CTNNBL1: variants seen among roughly 807,000 people sequenced by gnomAD.
CTNNBL1 encodes the protein catenin beta like 1.
In CTNNBL1, 31 loss-of-function variants were observed where a neutral mutation model predicts 72.7. That is an observed-to-expected ratio of 0.43 (90% CI 0.32 to 0.58). CTNNBL1 has a LOEUF of 0.58. Among genes scored for constraint, CTNNBL1 ranks in the 20% least tolerant of loss-of-function variants. The pLI is 0.08. For synonymous variants in CTNNBL1, 240 were observed against 267.3 expected, an observed-to-expected ratio of 0.90 and a Z score of 1.00; for missense variants, 534 against 725.1, an observed-to-expected ratio of 0.74 and a Z score of 3.03.
intron 11 of CTNNBL1, among the ~76,000 whole-genome samples, chr20:37,805,745 C>T (rs543847237): frequency 6.6e-6 from 1 of 152,216 alleles, no homozygotes; most frequent in Admixed American, 6.5e-5. Flanking sequence ...GTCATGAACC[C>T]GTAGACTAGG....
At chr20:37,781,271 A>T (rs2073623194) in intron 10 of CTNNBL1, among the ~76,000 whole-genome samples, 1 of 152,190 alleles carries the variant, frequency 6.6e-6, no homozygotes, top group African/African-American at 2.4e-5. Context: ...CCTTAACACA[A>T]TGTTCTGAAG....
intron 11 of CTNNBL1, among the ~76,000 whole-genome samples, chr20:37,835,432 A>C (rs927284511): frequency 8.5e-5 from 13 of 152,232 alleles, no homozygotes; most frequent in African/African-American, 3.1e-4. Flanking sequence ...CATGCTAATC[A>C]AAAGAAGATC....
At chr20:37,706,922 A>C (rs1398770527) in intron 1 of CTNNBL1, among the ~76,000 whole-genome samples, 1 of 152,226 alleles carries the variant, frequency 6.6e-6, no homozygotes, top group Non-Finnish European at 1.5e-5. Flanking sequence ...CAGGCATATA[A>C]TTAACATTCA....
intron 10 of CTNNBL1, among the ~76,000 whole-genome samples, chr20:37,800,761 G>A (rs1192393498): frequency 6.6e-6 from 1 of 152,140 alleles, no homozygotes; most frequent in Non-Finnish European, 1.5e-5. Context: ...ATGCCTTGTG[G>A]CCTTTGATAC....
At chr20:37,771,953 C>G (rs2073528624) in intron 7 of CTNNBL1, among the ~76,000 whole-genome samples, 1 of 152,108 alleles carries the variant, frequency 6.6e-6, no homozygotes, top group Non-Finnish European at 1.5e-5. Flanking sequence ...TGCCCACTTT[C>G]TTTTATAAAA....
In CTNNBL1 at chr20:37,730,819, AAAC is replaced by A. The variant is rs374365102; in HGVS notation, c.31-2051_31-2049del. On this transcript the variant is annotated intron_variant, in intron 1 of 15. Transcript: ENST00000361383. ...TAGTGAAACCTCATCTCTAAAAAGT[AAAC>A]AACAACAAAAGGCAACATGAGGTCC... is the stretch of plus-strand genomic sequence containing the variant. 2.8e-3 allele frequency among the ~76,000 whole-genome samples: 429 copies of A among 152,302 alleles called. 5 individuals are homozygous for A. The highest frequency in any genetic ancestry group is 0.017 in the East Asian group (87 of 5,172).
intron 10 of CTNNBL1, among the ~76,000 whole-genome samples, chr20:37,781,923 G>C (rs535460022): frequency 6.6e-6 from 1 of 152,298 alleles, no homozygotes; most frequent in South Asian, 2.1e-4. Context: ...ACTTGTAAGT[G>C]TGGGTTTGGA....
At chr20:37,730,644 GAAAAC>G (rs896734003) in intron 1 of CTNNBL1, among the ~76,000 whole-genome samples, 18 of 152,286 alleles carry the variant, frequency 1.2e-4, no homozygotes, top group Admixed American at 9.2e-4. Flanking sequence ...TAATTTAATG[GAAAAC>G]AACAGTAAGA....
intron 10 of CTNNBL1, among the ~76,000 whole-genome samples, chr20:37,789,277 A>G (rs2073704013): frequency 6.6e-6 from 1 of 152,212 alleles, no homozygotes; most frequent in Non-Finnish European, 1.5e-5. Flanking sequence ...TCCTTTGTGC[A>G]TCGGGCAGCT....
intron 10 of CTNNBL1, among the ~76,000 whole-genome samples, chr20:37,792,730 G>A (rs2073736818): frequency 1.3e-5 from 2 of 150,192 alleles, no homozygotes. Flanking sequence ...ATACTCAAAG[G>A]ATACCCCTAA....
chr20:37,708,923 G>T (rs1453499007), intron 1 of CTNNBL1, among the ~76,000 whole-genome samples: 1 of 152,112 alleles, frequency 6.6e-6, no homozygotes, highest in African/African-American at 2.4e-5. Context: ...CGAATTATGA[G>T]GTCAAGAGAT....
chr20:37,870,419 C>G (rs1028334093), intron 15 of CTNNBL1, among the ~76,000 whole-genome samples: 2 of 152,098 alleles, frequency 1.3e-5, no homozygotes, highest in African/African-American at 4.8e-5. Context: ...GCACCTGTGC[C>G]CCCAGTCCTT....
chr20:37,850,103 C>T (rs533718740), intron 13 of CTNNBL1, among the ~76,000 whole-genome samples: 9 of 152,226 alleles, frequency 5.9e-5, no homozygotes, highest in Non-Finnish European at 1.2e-4. Context: ...GTAGGGTTGT[C>T]GTTTTCAGCC....
intron 11 of CTNNBL1, among the ~76,000 whole-genome samples, chr20:37,805,426 CT>C (rs2122741170): frequency 7.9e-6 from 1 of 127,094 alleles, no homozygotes; most frequent in Non-Finnish European, 1.6e-5. Flanking sequence ...TTTTTTTTCC[CT>C]GGCCTGTTGC....
chr20:37,820,729 T>A (rs2072099924), intron 11 of CTNNBL1, among the ~76,000 whole-genome samples: 1 of 152,170 alleles, frequency 6.6e-6, no homozygotes, highest in Non-Finnish European at 1.5e-5. Flanking sequence ...CCTCCTGCCA[T>A]GATTGTAAGT....
intron 7 of CTNNBL1, among the ~76,000 whole-genome samples, chr20:37,768,279 A>G (rs1395919269): frequency 6.6e-6 from 1 of 152,228 alleles, no homozygotes; most frequent in Non-Finnish European, 1.5e-5. Flanking sequence ...ATGTGATACA[A>G]AAGGTATAAA....
chr20:37,860,889 T>C (rs1032566546), intron 15 of CTNNBL1, among the ~76,000 whole-genome samples: 2 of 152,360 alleles, frequency 1.3e-5, no homozygotes, highest in Admixed American at 6.5e-5. Context: ...GTGCCTAATT[T>C]ATAAATTAAC....
At chr20:37,792,633 G>A (rs2073735564) in intron 10 of CTNNBL1, among the ~76,000 whole-genome samples, 1 of 151,822 alleles carries the variant, frequency 6.6e-6, no homozygotes, top group African/African-American at 2.4e-5. Flanking sequence ...TCTGATTAGG[G>A]ATGCTCAACC....
intron 1 of CTNNBL1, among the ~76,000 whole-genome samples, chr20:37,701,354 C>T (rs894851083): frequency 6.6e-6 from 1 of 152,070 alleles, no homozygotes; most frequent in Non-Finnish European, 1.5e-5. Context: ...TTTTCCTTCC[C>T]ATCTGTCATT....
Sources: allele counts gnomAD v4.1 joint callset (sites outside exome capture counted in the v4.1 genomes callset), GRCh38; gene constraint gnomAD v4.1.1; transcripts MANE v1.5; gene names NCBI Gene and HGNC (gene_info 2026-07-23, HGNC 2026-07-21).